POLGARF: variants seen among roughly 807,000 people sequenced by gnomAD.
POLGARF encodes POLG alternative reading frame.
At chr15:89,330,830 T>G in the POLGARF span, among the ~76,000 whole-genome samples, 1 of 151,864 alleles carries the variant, frequency 6.6e-6, no homozygotes, top group East Asian at 1.9e-4. Context: ...ATCACACACC[T>G]TGGAGAAGCA....
the POLGARF span, among the ~76,000 whole-genome samples, chr15:89,330,534 C>A: frequency 4.3e-3 from 657 of 152,294 alleles, 9 homozygotes; most frequent in African/African-American, 0.015. Context: ...ATTAGACCTA[C>A]GTGCAGGTAT....
chr15:89,333,621 TGCTGCTGCC>T, the POLGARF span: 1 of 1,599,410 alleles, frequency 6.3e-7, no homozygotes, highest in Non-Finnish European at 8.5e-7. Flanking sequence ...CTGCTGCTGC[TGCTGCTGCC>T]GCCGCCGCTG....
chr15:89,330,948 C>A, the POLGARF span, among the ~76,000 whole-genome samples: 1 of 152,036 alleles, frequency 6.6e-6, no homozygotes, highest in Non-Finnish European at 1.5e-5. Context: ...GTTGGGGGCC[C>A]GACACTGATT....
the POLGARF span, chr15:89,333,343 G>T: frequency 6.4e-7 from 1 of 1,565,380 alleles, no homozygotes. Context: ...AGGCGGAAGT[G>T]CTGGTCCAGG....
the POLGARF span, among the ~76,000 whole-genome samples, chr15:89,331,061 A>G: frequency 6.6e-6 from 1 of 152,350 alleles, no homozygotes; most frequent in East Asian, 1.9e-4. Flanking sequence ...TAAACAATCA[A>G]GGCCCACTCA....
At chr15:89,333,361 C>G in the POLGARF span, 26 of 1,573,062 alleles carry the variant, frequency 1.7e-5, no homozygotes, top group South Asian at 2.6e-4. Context: ...AGGTTGTCCC[C>G]GTAGAGGGGC....
chr15:89,333,682 A>G, the POLGARF span: 2 of 1,546,072 alleles, frequency 1.3e-6, no homozygotes, highest in Non-Finnish European at 1.7e-6. Context: ...CTGGAGACCC[A>G]GCGCCCCGGA....
the POLGARF span, among the ~76,000 whole-genome samples, chr15:89,330,705 C>A: frequency 6.6e-6 from 1 of 151,364 alleles, no homozygotes; most frequent in Non-Finnish European, 1.5e-5. Context: ...ATAACAGAAC[C>A]CAAGGTGGAG....
At chr15:89,330,229 G>A in the POLGARF span, 1 of 1,613,286 alleles carries the variant, frequency 6.2e-7, no homozygotes, top group Non-Finnish European at 8.5e-7. Flanking sequence ...CAGCTGGCTG[G>A]TCCAAGAGTA....
chr15:89,333,620 CTG>C, the POLGARF span: 5 of 1,601,012 alleles, frequency 3.1e-6, no homozygotes, highest in African/African-American at 2.7e-5. Flanking sequence ...GCTGCTGCTG[CTG>C]CTGCTGCCGC....
At chr15:89,333,612 TGCTGCTGCTGCTGCTGCCGCCGCC>T in the POLGARF span, 6 of 1,600,120 alleles carry the variant, frequency 3.7e-6, no homozygotes, top group Non-Finnish European at 5.1e-6. Flanking sequence ...CTGCTGCTGC[TGCTGCTGCTGCTGCTGCCGCCGCC>T]GCTGCCCGTC....
the POLGARF span, among the ~76,000 whole-genome samples, chr15:89,330,673 G>A: frequency 2.0e-5 from 3 of 151,404 alleles, no homozygotes; most frequent in African/African-American, 7.3e-5. Flanking sequence ...ACTGTTCAAA[G>A]TACTAGTAAA....
chr15:89,330,765 C>G, the POLGARF span, among the ~76,000 whole-genome samples: 5 of 149,596 alleles, frequency 3.3e-5, 1 homozygote, highest in Admixed American at 3.3e-4. Flanking sequence ...CTGCTGCACA[C>G]ATGTACAGGA....
the POLGARF span, chr15:89,333,480 C>A: frequency 6.2e-7 from 1 of 1,612,440 alleles, no homozygotes; most frequent in Non-Finnish European, 8.5e-7. Flanking sequence ...AGGCATCTCC[C>A]CTCCTTGCCC....
the POLGARF span, chr15:89,333,186 G>A: frequency 1.9e-6 from 3 of 1,569,844 alleles, no homozygotes; most frequent in Non-Finnish European, 8.7e-7. Context: ...CCGCTCCTCG[G>A]GGATGGCCAC....
At chr15:89,333,596 T>A in the POLGARF span, 29 of 1,598,104 alleles carry the variant, frequency 1.8e-5, no homozygotes, top group South Asian at 3.3e-5. Context: ...GAGGCTGCTG[T>A]TGCTGCTGCT....
the POLGARF span, chr15:89,333,630 C>CT: frequency 7.0e-7 from 1 of 1,423,728 alleles, no homozygotes; most frequent in South Asian, 1.2e-5. Context: ...CTGCTGCTGC[C>CT]GCCGCCGCTG....
At chr15:89,333,430 T>C in the POLGARF span, 7 of 1,608,906 alleles carry the variant, frequency 4.4e-6, no homozygotes, top group African/African-American at 4.0e-5. Context: ...AGCCCGTGCT[T>C]CTGCAGGTGC....
the POLGARF span, among the ~76,000 whole-genome samples, chr15:89,331,976 G>C: frequency 6.6e-6 from 1 of 152,316 alleles, no homozygotes; most frequent in South Asian, 2.1e-4. Context: ...GAAAAGAAAA[G>C]GGGACTTGAG....
Sources: gnomAD v4.1 joint callset for allele counts (sites outside exome capture counted in the v4.1 genomes callset) on GRCh38, gnomAD v4.1.1 for gene constraint, MANE v1.5 for transcripts, NCBI Gene and HGNC (gene_info 2026-07-23, HGNC 2026-07-21) for gene names.